Variants in ZNF804B observed in about 807,000 individuals in gnomAD.
ZNF804B encodes the protein zinc finger protein 804B.
In ZNF804B, 80 loss-of-function variants were observed where a neutral mutation model predicts 101.4. That is an observed-to-expected ratio of 0.79 (90% CI 0.66 to 0.95). ZNF804B has a LOEUF of 0.95. ZNF804B is among the 40% of genes least tolerant of loss of function. ZNF804B has a pLI of 0.00. For synonymous variants in ZNF804B, 622 were observed against 558.8 expected (o/e 1.11, Z -1.59); for missense variants, 1,673 against 1,561.9 (o/e 1.07, Z -1.20).
chr7:88,946,924 T>A (rs891062681), intron 1 of ZNF804B, among the ~76,000 whole-genome samples: 1 of 152,012 alleles, frequency 6.6e-6, no homozygotes, highest in Non-Finnish European at 1.5e-5. Flanking sequence ...AAGCTCATCA[T>A]CACTTGTCAT....
Position 89,324,530 on chromosome 7 carries a change from A to G in ZNF804B, c.250-2814A>G, listed in dbSNP as rs555361797. Among the ~76,000 whole-genome samples, 336 of 149,016 alleles carry G rather than the reference A, an allele frequency of 2.3e-3. 1 individual carries two copies. Among genetic ancestry groups the G allele is most frequent in the African/African-American group, 7.9e-3 (321 of 40,646 alleles). On this transcript the variant is annotated intron_variant, in intron 2 of 3. Transcript: ENST00000333190. Reference sequence around the variant, plus strand: ...GGTGTTTAGACCATTTACATTTAATATATTATTATTATGTTTAAATTTTAT... The same window carrying G: ...GGTGTTTAGACCATTTACATTTAATGTATTATTATTATGTTTAAATTTTAT...
At chr7:88,956,842 T>A (rs2116081033) in intron 1 of ZNF804B, among the ~76,000 whole-genome samples, 1 of 151,568 alleles carries the variant, frequency 6.6e-6, no homozygotes, top group East Asian at 2.0e-4. Context: ...TGCTAGCAAC[T>A]CTATTTTACT....
At chr7:89,066,826 G>A (rs879340212) in intron 1 of ZNF804B, among the ~76,000 whole-genome samples, 1 of 151,870 alleles carries the variant, frequency 6.6e-6, no homozygotes, top group Admixed American at 6.6e-5. Flanking sequence ...GCAATGACAT[G>A]ATCTCAGCTC....
intron 1 of ZNF804B, among the ~76,000 whole-genome samples, chr7:88,860,556 G>C (rs1425677080): frequency 6.6e-6 from 1 of 151,996 alleles, no homozygotes; most frequent in Non-Finnish European, 1.5e-5. Flanking sequence ...CTTACCCAAG[G>C]TTCATGTGAA....
intron 2 of ZNF804B, among the ~76,000 whole-genome samples, chr7:89,247,275 C>A (rs913032791): frequency 6.6e-6 from 1 of 152,198 alleles, no homozygotes; most frequent in Non-Finnish European, 1.5e-5. Flanking sequence ...CCCCACCCCT[C>A]CAGGGATGAG....
intron 1 of ZNF804B, among the ~76,000 whole-genome samples, chr7:89,196,728 C>CA (rs1227931637): frequency 6.6e-6 from 1 of 151,316 alleles, no homozygotes; most frequent in Non-Finnish European, 1.5e-5. Context: ...TCTATCCATC[C>CA]AAAAAAGGGT....
Position 88,901,749 on chromosome 7 carries a change from C to T in ZNF804B, c.108+141665C>T, listed in dbSNP as rs747745483. 1.4e-3 allele frequency among the ~76,000 whole-genome samples: 219 copies of T among 151,674 alleles called. 3 individuals are homozygous for T. The highest frequency in any genetic ancestry group is 9.2e-4 in the Non-Finnish European group (62 of 67,734). ...AAGCTAGGGGTCTTGAATAAATTGGCCTCACGATACATAGTTAAGCTGAAA... is the reference window on the plus strand; with the variant it reads ...AAGCTAGGGGTCTTGAATAAATTGGTCTCACGATACATAGTTAAGCTGAAA... On this transcript the variant is annotated intron_variant, in intron 1 of 3. Coordinates refer to ENST00000333190, the MANE Select transcript of ZNF804B (RefSeq NM_181646.5).
At chr7:88,822,244 AAGT>A (rs1235363828) in intron 1 of ZNF804B, among the ~76,000 whole-genome samples, 3 of 152,162 alleles carry the variant, frequency 2.0e-5, no homozygotes, top group Admixed American at 6.6e-5. Context: ...GAATTTTTTT[AAGT>A]GAGAACCAAA....
chr7:89,274,528 T>G (rs939176003), intron 2 of ZNF804B, among the ~76,000 whole-genome samples: 14 of 151,150 alleles, frequency 9.3e-5, no homozygotes, highest in Non-Finnish European at 1.5e-5. Context: ...CCATGGTGTA[T>G]ATGTGCCACA....
At chr7:89,010,301 C>G (rs543491528) in intron 1 of ZNF804B, among the ~76,000 whole-genome samples, 3 of 152,060 alleles carry the variant, frequency 2.0e-5, no homozygotes, top group Non-Finnish European at 2.9e-5. Context: ...GAAACGGAAC[C>G]AGGAATTGTT....
intron 1 of ZNF804B, among the ~76,000 whole-genome samples, chr7:88,902,912 C>A (rs1009900199): frequency 6.6e-6 from 1 of 152,054 alleles, no homozygotes; most frequent in South Asian, 2.1e-4. Context: ...ACGTAAAATG[C>A]CAGTTTTTGA....
At chr7:89,015,508 C>A (rs1788536491) in intron 1 of ZNF804B, among the ~76,000 whole-genome samples, 1 of 151,686 alleles carries the variant, frequency 6.6e-6, no homozygotes, top group South Asian at 2.1e-4. Flanking sequence ...CACAACAGTC[C>A]CCAGAGTGTA....
At chr7:88,829,748 G>A (rs922373385) in intron 1 of ZNF804B, among the ~76,000 whole-genome samples, 1 of 152,018 alleles carries the variant, frequency 6.6e-6, no homozygotes, top group African/African-American at 2.4e-5. Context: ...ATGCTAAAAA[G>A]TAAAATATTT....
At chr7:89,049,909 G>C (rs974592570) in intron 1 of ZNF804B, among the ~76,000 whole-genome samples, 1 of 152,134 alleles carries the variant, frequency 6.6e-6, no homozygotes. Flanking sequence ...CTACTCGGGA[G>C]GTTGAGGCAG....
chr7:89,336,300 T>G lies in ZNF804B; in HGVS notation c.3318T>G (p.His1106Gln), dbSNP rs200227988. 234 of 1,613,714 alleles carry G rather than the reference T, an allele frequency of 1.5e-4. No individual in the cohort carries two copies. Among genetic ancestry groups the G allele is most frequent in the Non-Finnish European group, 1.9e-4 (226 of 1,179,934 alleles). Residue 1106 changes from histidine to glutamine, a missense_variant, in exon 4 of 4, where the codon CAT becomes CAG. By Grantham distance (24) the His-to-Gln change is conservative (BLOSUM62 0). Transcript: ENST00000333190. ...TAGACTTACAGGATGTAAGCATGCA[T>G]ATAAATCATGTAGAGGGAAATATAA... ...INLDLQDVSM[H>Q]INHVEGNINS...
intron 1 of ZNF804B, among the ~76,000 whole-genome samples, chr7:88,960,918 G>A (rs902943225): frequency 6.6e-6 from 1 of 151,294 alleles, no homozygotes; most frequent in African/African-American, 2.4e-5. Flanking sequence ...CAAAAAGTTT[G>A]ATACTTTTTC....
rs1389156360 is a variant in ZNF804B at position 88,854,394 on chromosome 7, T to TCTTTCTTTCTTTCTTTCTTC, written c.108+94330_108+94349dup. Among the ~76,000 whole-genome samples, 8 of 139,202 alleles carry TCTTTCTTTCTTTCTTTCTTC rather than the reference T, an allele frequency of 5.7e-5. No homozygotes were observed. In the South Asian group the frequency reaches 7.0e-4, roughly 12 times the overall value. 91.3% of individuals were successfully genotyped at this position (139,202 alleles called of 152,430 possible). On this transcript the variant is annotated intron_variant, in intron 1 of 3. Coordinates refer to ENST00000333190, the MANE Select transcript of ZNF804B (RefSeq NM_181646.5). Reference sequence around the variant, plus strand: ...TTTTTCTTTCTGTACTGCATTTCTTTCTTTCTTTCTTTCTTTCTTCCTTTC... The same window carrying TCTTTCTTTCTTTCTTTCTTC: ...TTTTTCTTTCTGTACTGCATTTCTTTCTTTCTTTCTTTCTTTCTTCCTTTCTTTCTTTCTTTCTTCCTTTC...
chr7:88,909,721 T>C (rs532672304), intron 1 of ZNF804B, among the ~76,000 whole-genome samples: 1 of 151,912 alleles, frequency 6.6e-6, no homozygotes, highest in Non-Finnish European at 1.5e-5. Context: ...ATATTTGTTA[T>C]GCAGCCTAGT....
intron 1 of ZNF804B, among the ~76,000 whole-genome samples, chr7:89,063,229 C>T (rs564456593): frequency 2.0e-5 from 3 of 152,002 alleles, no homozygotes; most frequent in South Asian, 4.1e-4. Flanking sequence ...TCTTTATCAT[C>T]ATGAAAATGG....
Sources: allele counts gnomAD v4.1 joint callset (sites outside exome capture counted in the v4.1 genomes callset), GRCh38; gene constraint gnomAD v4.1.1; transcripts MANE v1.5; gene names NCBI Gene and HGNC (gene_info 2026-07-23, HGNC 2026-07-21).